OR10A2: variants seen among roughly 807,000 people sequenced by gnomAD.
The protein encoded by OR10A2 is olfactory receptor family 10 subfamily A member 2.
Under a neutral mutation model 13.7 loss-of-function variants are expected in OR10A2, and 15 were observed. That is an observed-to-expected ratio of 1.10 (90% CI 0.73 to 1.69). The LOEUF (loss-of-function observed/expected upper bound fraction) is 1.69. Ranked by LOEUF, OR10A2 falls within the 40% of genes most tolerant of loss-of-function variation. OR10A2 has a pLI of 0.00. For synonymous variants in OR10A2, 145 were observed against 144.7 expected, an observed-to-expected ratio of 1.00 and a Z score of -0.02; for missense variants, 343 against 361.1, an observed-to-expected ratio of 0.95 and a Z score of 0.41.
rs1180134269 is a variant in OR10A2 at position 6,874,278 on chromosome 11, C to G, written c.*3612C>G. ...CAATAACAATTTACTGGGCATCTACCTTTCTAGGCATTGGGGTAAAAAAAT... is the reference window on the plus strand; with the variant it reads ...CAATAACAATTTACTGGGCATCTACGTTTCTAGGCATTGGGGTAAAAAAAT... On this transcript the variant is annotated 3_prime_UTR_variant, in exon 2 of 2. Coordinates refer to ENST00000641461, the MANE Select transcript of OR10A2 (RefSeq NM_001004460.2). The G allele has an allele frequency of 6.6e-6, 1 of 152,124 alleles. No homozygotes were observed. Among genetic ancestry groups the G allele is most frequent in the African/African-American group, 2.4e-5 (1 of 41,416 alleles). The allele number at this position is 152,124 out of a possible 1,614,324, so 9.4% of individuals were successfully genotyped here.
At chr11:6,868,223 T>C (rs1379828422) in intron 1 of OR10A2, among the ~76,000 whole-genome samples, 2 of 152,248 alleles carry the variant, frequency 1.3e-5, no homozygotes, top group African/African-American at 2.4e-5. Context: ...AATTCTTTTA[T>C]AAGAATGGTG....
chr11:6,869,470 T>G (rs1848405919), intron 1 of OR10A2, among the ~76,000 whole-genome samples, 153 bp from the exon 2 acceptor site: 1 of 152,206 alleles, frequency 6.6e-6, no homozygotes, highest in African/African-American at 2.4e-5. Flanking sequence ...TCTGAATAAC[T>G]TAAGGTGTGA....
At position 6,874,126 on chromosome 11, in the gene OR10A2, C is replaced by T. The variant is rs1848462534; in HGVS notation, c.*3460C>T. 1.3e-5 allele frequency: 2 copies of T among 152,128 alleles called. No individual in the cohort carries two copies. The highest frequency in any genetic ancestry group is 4.8e-5 in the African/African-American group (2 of 41,428). The allele number at this position is 152,128 out of a possible 1,614,324, so 9.4% of individuals were successfully genotyped here. ...TTCAGTCCGTGTGAATTGTATGATGCTATATTATATTCTTTTGTGCCTTTG... is the reference window on the plus strand; with the variant it reads ...TTCAGTCCGTGTGAATTGTATGATGTTATATTATATTCTTTTGTGCCTTTG... On this transcript the variant is annotated 3_prime_UTR_variant, in exon 2 of 2. Coordinates refer to ENST00000641461, the MANE Select transcript of OR10A2 (RefSeq NM_001004460.2).
At chr11:6,867,615 T>C (rs1327224343) in intron 1 of OR10A2, among the ~76,000 whole-genome samples, 2 of 152,242 alleles carry the variant, frequency 1.3e-5, no homozygotes, top group African/African-American at 4.8e-5. Context: ...AGGGAAACAA[T>C]TGATTTGATA....
chr11:6,864,963 TATAA>T (rs886874752), intron 1 of OR10A2, among the ~76,000 whole-genome samples: 7 of 146,838 alleles, frequency 4.8e-5, no homozygotes, highest in Admixed American at 3.4e-4. Flanking sequence ...TATTCTCATA[TATAA>T]ATATATATAT....
intron 1 of OR10A2, among the ~76,000 whole-genome samples, chr11:6,865,516 C>G (rs937716734): frequency 5.3e-5 from 8 of 152,022 alleles, no homozygotes; most frequent in Non-Finnish European, 1.0e-4. Flanking sequence ...CAGCACTGAA[C>G]AAACAATTGG....
intron 1 of OR10A2, 35 bp from the exon 2 acceptor site, chr11:6,869,588 G>T (rs1478695882): frequency 2.5e-5 from 17 of 675,438 alleles, no homozygotes; most frequent in Non-Finnish European, 3.9e-5. Flanking sequence ...CACTTCCTCT[G>T]CCTGAGGTGC....
intron 1 of OR10A2, among the ~76,000 whole-genome samples, chr11:6,867,385 T>C (rs1350151378): frequency 1.3e-5 from 2 of 152,090 alleles, no homozygotes; most frequent in African/African-American, 4.8e-5. Flanking sequence ...CTAATTTTTG[T>C]ATTTTTAGTA....
Position 6,871,226 on chromosome 11 carries a change from C to T in OR10A2, c.*560C>T, listed in dbSNP as rs12799881. 0.017 allele frequency: 2,622 copies of T among 152,840 alleles called. 33 individuals carry two copies. The highest frequency in any genetic ancestry group is 0.023 in the Non-Finnish European group (1,600 of 68,478). The allele number at this position is 152,840 out of a possible 1,614,324, so 9.5% of individuals were successfully genotyped here. On this transcript the variant is annotated 3_prime_UTR_variant, in exon 2 of 2. Coordinates refer to ENST00000641461, the MANE Select transcript of OR10A2 (RefSeq NM_001004460.2). ...CCTCCCAAAGTGCTGGGATTACAGG[C>T]GTGAGCCACCGCGCCTGGCCGGTGT... is the stretch of plus-strand genomic sequence containing the variant.
At chr11:6,868,729 C>T (rs921972577) in intron 1 of OR10A2, among the ~76,000 whole-genome samples, 3 of 151,258 alleles carry the variant, frequency 2.0e-5, no homozygotes, top group African/African-American at 7.3e-5. Context: ...TTTATTTATC[C>T]CAGCCTCTCA....
intron 1 of OR10A2, among the ~76,000 whole-genome samples, chr11:6,867,592 C>CT (rs1564920369): frequency 1.3e-5 from 2 of 152,024 alleles, no homozygotes; most frequent in African/African-American, 2.4e-5. Flanking sequence ...CTTTCAGACT[C>CT]TTGTTTTTGA....
In OR10A2 at chr11:6,872,817, CTTTT is replaced by C. The variant is rs754974386; in HGVS notation, c.*2165_*2168del. 63 of 136,416 alleles carry C rather than the reference CTTTT, an allele frequency of 4.6e-4. No individual in the cohort carries two copies. The highest frequency in any genetic ancestry group is 5.5e-4 in the Non-Finnish European group (36 of 65,034). The allele number at this position is 136,416 out of a possible 1,614,324, so 8.5% of individuals were successfully genotyped here. A position where few individuals can be genotyped will look rare whatever the true frequency, so the allele number is the denominator to read the frequency against. Reference sequence around the variant, plus strand: ...TGTTTCTCTTTTCTTTTCTTTCTTTCTTTTTTTTTTTTTTTTTGAGACAAAGGTC... The same window carrying C: ...TGTTTCTCTTTTCTTTTCTTTCTTTCTTTTTTTTTTTTTGAGACAAAGGTC... On this transcript the variant is annotated 3_prime_UTR_variant, in exon 2 of 2. Transcript: ENST00000641461.
chr11:6,872,867 T>C lies in OR10A2; in HGVS notation c.*2201T>C, dbSNP rs1228879114. 6.6e-6 allele frequency: 1 copy of C among 150,468 alleles called. No homozygotes were observed. Among genetic ancestry groups the C allele is most frequent in the Non-Finnish European group, 1.5e-5 (1 of 67,888 alleles). The allele number at this position is 150,468 out of a possible 1,614,324, so 9.3% of individuals were successfully genotyped here. On this transcript the variant is annotated 3_prime_UTR_variant, in exon 2 of 2. Transcript: ENST00000641461. ...AGGTCTGCTCTATTACTCAGGCTGC[T>C]GGGGTGCAATGGCACAATCTTGGCT...
rs930824698 is a variant in OR10A2 at position 6,874,239 on chromosome 11, T to C, written c.*3573T>C. 1.3e-5 allele frequency: 2 copies of C among 152,256 alleles called. No individual in the cohort carries two copies. The highest frequency in any genetic ancestry group is 4.8e-5 in the African/African-American group (2 of 41,466). The allele number at this position is 152,256 out of a possible 1,614,324, so 9.4% of individuals were successfully genotyped here. A position where few individuals can be genotyped will look rare whatever the true frequency, so the allele number is the denominator to read the frequency against. On this transcript the variant is annotated 3_prime_UTR_variant, in exon 2 of 2. Transcript: ENST00000641461. The stretch of plus-strand genomic sequence containing the variant: ...ATTATTTACCACATTTTCTTCATTA[T>C]CTATTAAATTATTCAATAACAATTT...
At chr11:6,865,498 A>G (rs942538265) in intron 1 of OR10A2, among the ~76,000 whole-genome samples, 4 of 152,128 alleles carry the variant, frequency 2.6e-5, no homozygotes, top group African/African-American at 9.7e-5. Flanking sequence ...ATTTATAACT[A>G]TAATAGTCAG....
At chr11:6,865,889 G>T (rs1221014044) in intron 1 of OR10A2, among the ~76,000 whole-genome samples, 1 of 152,068 alleles carries the variant, frequency 6.6e-6, no homozygotes. Flanking sequence ...TCCCACCTTG[G>T]TCTTTTATAT....
At chr11:6,865,724 C>T (rs973580026) in intron 1 of OR10A2, among the ~76,000 whole-genome samples, 2 of 149,460 alleles carry the variant, frequency 1.3e-5, no homozygotes, top group African/African-American at 4.9e-5. Flanking sequence ...TTAAAAAAAT[C>T]ATTAGCAATT....
Position 6,871,746 on chromosome 11 carries a change from A to C in OR10A2, c.*1080A>C, listed in dbSNP as rs1848437782. 2 of 152,292 alleles carry C rather than the reference A, an allele frequency of 1.3e-5. No individual in the cohort carries two copies. The highest frequency in any genetic ancestry group is 4.1e-4 in the South Asian group (2 of 4,828). 9.4% of individuals were successfully genotyped at this position (152,292 alleles called of 1,614,324 possible). A position where few individuals can be genotyped will look rare whatever the true frequency, so the allele number is the denominator to read the frequency against. On this transcript the variant is annotated 3_prime_UTR_variant, in exon 2 of 2. Coordinates refer to ENST00000641461, the MANE Select transcript of OR10A2 (RefSeq NM_001004460.2). ...TAACCACAAGATTTCTCCTTCTTAT[A>C]ATCTGGTAGTACTCTATTTGTAGAT...
At chr11:6,865,452 T>C (rs1469680514) in intron 1 of OR10A2, among the ~76,000 whole-genome samples, 1 of 152,038 alleles carries the variant, frequency 6.6e-6, no homozygotes, top group Non-Finnish European at 1.5e-5. Context: ...ACATGCTTCA[T>C]AATTGAGCCA....
Sources: gnomAD v4.1 joint callset for allele counts (sites outside exome capture counted in the v4.1 genomes callset) on GRCh38, gnomAD v4.1.1 for gene constraint, MANE v1.5 for transcripts, NCBI Gene and HGNC (gene_info 2026-07-23, HGNC 2026-07-21) for gene names.